Variants in EDA observed in about 807,000 individuals in gnomAD.
EDA encodes the protein ectodysplasin A, also known as ectodysplasin-A.
Under a neutral mutation model 23.6 loss-of-function variants are expected in EDA, and 2 were observed. The ratio of observed to expected loss-of-function variants is 0.08; its 90% confidence interval spans 0.03 to 0.27. The LOEUF (loss-of-function observed/expected upper bound fraction) is 0.27, where lower values mean the gene tolerates loss of function less well. EDA is among the 10% of genes least tolerant of loss of function. The pLI, the probability that EDA is intolerant of heterozygous loss-of-function variation, is 1.00. For synonymous variants in EDA, 131 were observed against 132.0 expected (o/e 0.99, Z 0.05); for missense variants, 229 against 324.2 (o/e 0.71, Z 2.26).
intron 1 of EDA, among the ~76,000 whole-genome samples, chrX:69,951,474 G>A (rs1226496830): frequency 8.9e-6 from 1 of 111,818 alleles, no homozygotes. Flanking sequence ...TTTCAAGAGA[G>A]TGAGATTTAT....
At chrX:69,761,422 A>G (rs1197345436) in intron 1 of EDA, among the ~76,000 whole-genome samples, 1 of 111,980 alleles carries the variant, frequency 8.9e-6, no homozygotes, top group Non-Finnish European at 1.9e-5. Context: ...ACAGTATCTT[A>G]TTTTGTCCTC....
chrX:69,971,207 G>A (rs1028434550), intron 2 of EDA, among the ~76,000 whole-genome samples: 1 of 111,834 alleles, frequency 8.9e-6, no homozygotes, highest in Admixed American at 9.5e-5. Flanking sequence ...TCACTCACTC[G>A]TCCTCTAATT....
intron 1 of EDA, among the ~76,000 whole-genome samples, chrX:69,715,087 T>C (rs1333636551): frequency 1.1e-5 from 1 of 87,211 alleles, no homozygotes; most frequent in Non-Finnish European, 2.6e-5. Context: ...TTTTTTTACT[T>C]TTTGTAACTT....
At chrX:69,719,715 TACACAC>T (rs35200750) in intron 1 of EDA, among the ~76,000 whole-genome samples, 9 of 102,616 alleles carry the variant, frequency 8.8e-5, no homozygotes, top group Non-Finnish European at 1.4e-4. Flanking sequence ...TATTCCGTTA[TACACAC>T]ACACACACAC....
At position 69,937,037 on chromosome X, in the gene EDA, T is replaced by A. The variant is rs184438603; in HGVS notation, c.397-19990T>A. ...TAGTACTGAAAGGCAGACAATAAAA[T>A]GGGCCATGAAAGGGCGGGGGGAAGG... On this transcript the variant is annotated intron_variant, in intron 1 of 7. Transcript: ENST00000374552. 3,100 of 438,563 alleles carry A rather than the reference T, an allele frequency of 7.1e-3. 74 individuals are homozygous for A. In the African/African-American group the frequency reaches 0.072, roughly 10 times the overall value. The allele number at this position is 438,563 out of a possible 1,213,427, so 36.1% of individuals were successfully genotyped here.
intron 1 of EDA, among the ~76,000 whole-genome samples, chrX:69,666,707 T>C (rs1488724776): frequency 8.9e-6 from 1 of 112,310 alleles, no homozygotes. Flanking sequence ...TAATATTTTA[T>C]TGAGGAGTTT....
At chrX:69,874,259 C>T (rs924588644) in intron 1 of EDA, among the ~76,000 whole-genome samples, 1 of 110,406 alleles carries the variant, frequency 9.1e-6, no homozygotes, top group Non-Finnish European at 1.9e-5. Context: ...TTGTGGTGAC[C>T]TGAGATTGTG....
chrX:69,910,847 C>T lies in EDA; in HGVS notation c.397-46180C>T, dbSNP rs185382629. Among the ~76,000 whole-genome samples the T allele has an allele frequency of 8.5e-4, 95 of 111,872 alleles. No individual in the cohort carries two copies. The South Asian group carries it at 0.029, about 34-fold the overall frequency. On this transcript the variant is annotated intron_variant, in intron 1 of 7. Coordinates refer to ENST00000374552, the MANE Select transcript of EDA (RefSeq NM_001399.5). Reference sequence around the variant, plus strand: ...TTATGCAGATATGTTTTCCTTTATACGCTGAAGCATAATTAACAATAGCTG... The same window carrying T: ...TTATGCAGATATGTTTTCCTTTATATGCTGAAGCATAATTAACAATAGCTG...
intron 1 of EDA, among the ~76,000 whole-genome samples, chrX:69,727,221 GCTGCTCAT>G (rs1330577279): frequency 8.9e-6 from 1 of 111,762 alleles, no homozygotes; most frequent in East Asian, 2.8e-4. Flanking sequence ...GCTGCACTCT[GCTGCTCAT>G]CTGCTCATCT....
At chrX:69,762,142 G>A (rs1445843807) in intron 1 of EDA, among the ~76,000 whole-genome samples, 1 of 111,366 alleles carries the variant, frequency 9.0e-6, no homozygotes, top group Non-Finnish European at 1.9e-5. Context: ...TTAAAAATAG[G>A]TGTTTTGGTG....
intron 1 of EDA, among the ~76,000 whole-genome samples, chrX:69,645,139 C>T (rs1242144975): frequency 4.5e-5 from 5 of 110,866 alleles, no homozygotes; most frequent in Non-Finnish European, 9.4e-5. Context: ...AGGAGTCCCT[C>T]CTTTTCAATT....
At chrX:69,745,604 C>A (rs909052909) in intron 1 of EDA, among the ~76,000 whole-genome samples, 18 of 112,076 alleles carry the variant, frequency 1.6e-4, no homozygotes, top group African/African-American at 5.8e-4. Flanking sequence ...AAATAAAATA[C>A]TAAAAACCTC....
intron 1 of EDA, among the ~76,000 whole-genome samples, chrX:69,658,016 T>C (rs1352978366): frequency 9.0e-6 from 1 of 111,455 alleles, no homozygotes; most frequent in Non-Finnish European, 1.9e-5. Context: ...ATGATATTGG[T>C]AATTTGATAG....
intron 1 of EDA, among the ~76,000 whole-genome samples, chrX:69,750,289 C>T (rs191674361): frequency 2.9e-5 from 3 of 104,699 alleles, no homozygotes; most frequent in Non-Finnish European, 5.8e-5. Context: ...TTTCTGTCCT[C>T]GCGATAGTTT....
intron 1 of EDA, among the ~76,000 whole-genome samples, chrX:69,737,742 G>A (rs938374306): frequency 9.0e-6 from 1 of 111,685 alleles, no homozygotes; most frequent in African/African-American, 3.2e-5. Flanking sequence ...AAAATTTCTT[G>A]CAGTGTAAGT....
intron 1 of EDA, among the ~76,000 whole-genome samples, chrX:69,749,050 C>T (rs1212775264): frequency 1.1e-5 from 1 of 94,041 alleles, no homozygotes; most frequent in Non-Finnish European, 2.1e-5. Flanking sequence ...AACTCGTCAT[C>T]TAGCATTAGG....
intron 1 of EDA, among the ~76,000 whole-genome samples, chrX:69,956,305 TTCTTTC>T (rs1184314810): frequency 4.0e-3 from 237 of 59,353 alleles, no homozygotes; most frequent in Non-Finnish European, 6.4e-3. Context: ...CTTTCTTTCT[TTCTTTC>T]TCTTTCTCTT....
At chrX:69,871,940 T>C (rs1230371090) in intron 1 of EDA, among the ~76,000 whole-genome samples, 1 of 111,784 alleles carries the variant, frequency 8.9e-6, no homozygotes, top group African/African-American at 3.2e-5. Flanking sequence ...CCTAGGTACA[T>C]AGTCATCAGG....
intron 1 of EDA, among the ~76,000 whole-genome samples, chrX:69,951,357 A>G (rs1171418102): frequency 9.0e-6 from 1 of 110,664 alleles, no homozygotes; most frequent in East Asian, 2.8e-4. Flanking sequence ...TTGATCTTGG[A>G]ATTTCTAGCT....
Sources: gnomAD v4.1 joint callset for allele counts (sites outside exome capture counted in the v4.1 genomes callset) on GRCh38, gnomAD v4.1.1 for gene constraint, MANE v1.5 for transcripts, NCBI Gene and HGNC (gene_info 2026-07-23, HGNC 2026-07-21) for gene names.